CPVL: variants seen among roughly 807,000 people sequenced by gnomAD.
CPVL encodes the protein carboxypeptidase vitellogenic like.
Under a neutral mutation model 63.7 loss-of-function variants are expected in CPVL, and 51 were observed. That is an observed-to-expected ratio of 0.80 (90% CI 0.64 to 1.01). The LOEUF is 1.01. CPVL is among the 50% of genes least tolerant of loss of function. The probability of loss-of-function intolerance (pLI) is 0.00; values close to 1 mark genes in which losing one functional copy is unlikely to be tolerated. For missense variants in CPVL, 530 were observed against 573.1 expected, an observed-to-expected ratio of 0.92 and a Z score of 0.77; for synonymous variants, 195 against 206.0, an observed-to-expected ratio of 0.95 and a Z score of 0.46.
rs1248980161 is a variant in CPVL, at chr7:29,105,051, T to A, written c.288+7653A>T. Among the ~76,000 whole-genome samples the A allele has an allele frequency of 2.0e-5, 3 of 152,110 alleles. No individual in the cohort carries two copies. The East Asian group carries it at 5.8e-4, about 29-fold the overall frequency. On this transcript the variant is annotated intron_variant, in intron 3 of 12. Coordinates refer to ENST00000265394, the MANE Select transcript of CPVL (RefSeq NM_031311.5). Reference sequence around the variant, plus strand: ...CGTAGCAAAGAGAAGATAAATAGAGTCAGTTTGAAGAAGACAATTATCTGT... The same window carrying A: ...CGTAGCAAAGAGAAGATAAATAGAGACAGTTTGAAGAAGACAATTATCTGT...
At chr7:29,169,563 C>T (rs562933555) in intron 5 of CPVL, among the ~76,000 whole-genome samples, 3 of 152,080 alleles carry the variant, frequency 2.0e-5, no homozygotes, top group South Asian at 4.1e-4. Flanking sequence ...AAGTAGCTGA[C>T]GGTGTACTGA....
upstream of CPVL, among the ~76,000 whole-genome samples, chr7:29,147,703 A>G (rs949048332): frequency 2.0e-5 from 3 of 152,184 alleles, no homozygotes; most frequent in Non-Finnish European, 4.4e-5. Context: ...TGTTTGTGGG[A>G]AAATAATTCT....
intron 3 of CPVL, among the ~76,000 whole-genome samples, chr7:29,104,220 C>T (rs528320642): frequency 2.0e-5 from 3 of 152,298 alleles, no homozygotes; most frequent in African/African-American, 7.2e-5. Flanking sequence ...ATGACTGCTG[C>T]CATGGCACCA....
chr7:29,077,262 G>C (rs1031918689), intron 7 of CPVL, among the ~76,000 whole-genome samples: 7 of 151,924 alleles, frequency 4.6e-5, no homozygotes, highest in Admixed American at 1.3e-4. Flanking sequence ...TATTGTTTCA[G>C]CTACTCTCAG....
intron 12 of CPVL, among the ~76,000 whole-genome samples, chr7:29,029,312 A>G (rs1787794133): frequency 6.6e-6 from 1 of 152,228 alleles, no homozygotes; most frequent in African/African-American, 2.4e-5. Flanking sequence ...ATATTTTTCT[A>G]AAGGAAAAGA....
intron 9 of CPVL, among the ~76,000 whole-genome samples, chr7:29,071,046 T>C (rs1390863946): frequency 6.6e-6 from 1 of 151,920 alleles, no homozygotes; most frequent in African/African-American, 2.4e-5. Flanking sequence ...GTATAGTAAA[T>C]ACGGCAAAAA....
intron 3 of CPVL, among the ~76,000 whole-genome samples, chr7:29,101,464 G>A (rs935258070): frequency 2.4e-4 from 37 of 152,180 alleles, no homozygotes; most frequent in African/African-American, 7.0e-4. Context: ...GCGTGGTGGC[G>A]GGCGCCTGTA....
chr7:29,137,706 G>A (rs887851101), intron 1 of CPVL, among the ~76,000 whole-genome samples: 4 of 152,168 alleles, frequency 2.6e-5, no homozygotes, highest in Non-Finnish European at 4.4e-5. Context: ...AAACCTTACC[G>A]AGGACTCCTG....
chr7:29,097,238 G>A (rs184418776), intron 3 of CPVL, among the ~76,000 whole-genome samples: 1,602 of 151,916 alleles, frequency 0.011, 26 homozygotes, highest in African/African-American at 0.036. Flanking sequence ...CACCTTCAAT[G>A]ACAGAGACCT....
chr7:29,064,181 T>C lies in CPVL; in HGVS notation c.1017A>G (p.Arg339=), dbSNP rs565960082. Residue 339 remains arginine, a synonymous_variant, in exon 11 of 13, where the codon AGA becomes AGG. Transcript: ENST00000265394. ...TCTGATTCCCCACGTGGATGGCTTG[T>C]CTCACCTCTGGGAGTGACAAAAATT... ...YVKFLSLPEV[R]QAIHVGNQTF... 13 of 1,613,546 alleles carry C rather than the reference T, an allele frequency of 8.1e-6. No homozygotes were observed. In the African/African-American group the frequency reaches 1.3e-4, roughly 17 times the overall value.
At chr7:29,194,629 C>T (rs904660606) in intron 1 of CPVL, 21 of 296,926 alleles carry the variant, frequency 7.1e-5, no homozygotes, top group African/African-American at 4.4e-4. Flanking sequence ...CAGAGGGGCT[C>T]GGCGGGAGCC....
At chr7:29,096,261 TA>T (rs748632145) in intron 3 of CPVL, 44 bp from the exon 4 acceptor site, 28 of 1,455,686 alleles carry the variant, frequency 1.9e-5, no homozygotes, top group Non-Finnish European at 2.0e-5. Context: ...AACACTCACT[TA>T]AGGCTACAGA....
chr7:29,171,760 A>G (rs930813946), intron 5 of CPVL, among the ~76,000 whole-genome samples: 3 of 152,338 alleles, frequency 2.0e-5, no homozygotes, highest in Non-Finnish European at 4.4e-5. Context: ...TCATTTTTCC[A>G]TAATATAATA....
At chr7:29,131,590 C>A (rs1371217802) in intron 1 of CPVL, among the ~76,000 whole-genome samples, 1 of 152,190 alleles carries the variant, frequency 6.6e-6, no homozygotes, top group Non-Finnish European at 1.5e-5. Context: ...TGGCTCACAG[C>A]AACTTCCGCC....
rs554965373 is a variant in CPVL at position 29,065,788 on chromosome 7, T to C, written c.963+235A>G. 1.2e-4 allele frequency among the ~76,000 whole-genome samples: 19 copies of C among 152,240 alleles called. No individual in the cohort carries two copies. In the East Asian group the frequency reaches 2.9e-3, roughly 23 times the overall value. On this transcript the variant is annotated intron_variant, in intron 10 of 12. Transcript: ENST00000265394. ...AAGCTCTACTTGGGGGAAATCATGT[T>C]CATCAGAAGTTGTTTTGAGTTATCT...
At chr7:29,046,348 T>C (rs1232808130) in intron 11 of CPVL, among the ~76,000 whole-genome samples, 1 of 152,120 alleles carries the variant, frequency 6.6e-6, no homozygotes, top group Non-Finnish European at 1.5e-5. Context: ...ACTCCCAAAG[T>C]ACTGGGATTA....
At chr7:29,173,382 G>A (rs1562807415) in intron 5 of CPVL, among the ~76,000 whole-genome samples, 1 of 151,966 alleles carries the variant, frequency 6.6e-6, no homozygotes, top group Admixed American at 6.5e-5. Flanking sequence ...GAAGTGAAAG[G>A]TGGTGCTATT....
At chr7:29,178,878 G>A (rs1456209355) in intron 5 of CPVL, among the ~76,000 whole-genome samples, 1 of 152,130 alleles carries the variant, frequency 6.6e-6, no homozygotes, top group Admixed American at 6.5e-5. Context: ...ACCAATCAAA[G>A]GTTAACTACT....
chr7:29,095,055 G>T, intron 5 of CPVL, 29 bp downstream of exon 5: 1 of 1,580,990 alleles, frequency 6.3e-7, no homozygotes, highest in Non-Finnish European at 8.7e-7. Flanking sequence ...CGCCAGCACT[G>T]ACAGCTCACA....
Sources: gnomAD v4.1 joint callset for allele counts (sites outside exome capture counted in the v4.1 genomes callset) on GRCh38, gnomAD v4.1.1 for gene constraint, MANE v1.5 for transcripts, NCBI Gene and HGNC (gene_info 2026-07-23, HGNC 2026-07-21) for gene names.